Variants in MPZL3 observed in about 807,000 individuals in gnomAD.
MPZL3 encodes the protein myelin protein zero-like protein 3.
A neutral mutation model predicts 24.8 loss-of-function variants in MPZL3; 23 were observed. The ratio of observed to expected loss-of-function variants is 0.93; its 90% CI spans 0.67 to 1.31. MPZL3 has a LOEUF of 1.31. MPZL3 is among the 40% of genes most tolerant of loss of function. The pLI is 0.00. For synonymous variants in MPZL3, 99 were observed against 106.5 expected (o/e 0.93, Z 0.44); for missense variants, 277 against 294.9 (o/e 0.94, Z 0.44).
chr11:118,246,369 G>A (rs923071008), intron 1 of MPZL3, among the ~76,000 whole-genome samples: 1 of 151,676 alleles, frequency 6.6e-6, no homozygotes, highest in African/African-American at 2.4e-5. Flanking sequence ...ACCTCAAATC[G>A]AATGCGGTAA....
rs201528872 is a variant in MPZL3, at chr11:118,235,501, T to A, written c.540A>T (p.Arg180Ser). ...TCAGCCCAGCAGCCTTCCTCCCCAT[T>A]CTCACCAGCAGCAGAGCAACCACCA... ...SAVVVALLLV[R>S]MGRKAAGLKK... The change falls in exon 4 of 6, where the codon AGA becomes AGT. Residue 180 changes from arginine to serine, a missense_variant. Arg to Ser is a moderately radical substitution (Grantham distance 110). Coordinates refer to ENST00000278949, the MANE Select transcript of MPZL3 (RefSeq NM_198275.3). The A allele has an allele frequency of 1.2e-6, 2 of 1,613,670 alleles. No homozygotes were observed. The highest frequency in any genetic ancestry group is 1.7e-6 in the Non-Finnish European group (2 of 1,179,900).
intron 1 of MPZL3, among the ~76,000 whole-genome samples, chr11:118,249,039 G>A (rs201427989): frequency 1.5e-5 from 1 of 65,124 alleles, no homozygotes; most frequent in African/African-American, 9.9e-5. Flanking sequence ...TTTTCGGTTT[G>A]TTTTTTGTTT....
intron 2 of MPZL3, among the ~76,000 whole-genome samples, 172 bp downstream of exon 2, chr11:118,240,039 G>A (rs1591494409): frequency 1.3e-5 from 2 of 152,234 alleles, no homozygotes; most frequent in South Asian, 4.1e-4. Flanking sequence ...CTTACGTGGG[G>A]CCCTGCGTGA....
chr11:118,251,041 AT>A (rs894052406), intron 1 of MPZL3, among the ~76,000 whole-genome samples: 20 of 150,836 alleles, frequency 1.3e-4, no homozygotes, highest in Admixed American at 2.0e-4. Context: ...CCATTTCCAG[AT>A]TTTTTTTCTC....
intron 1 of MPZL3, among the ~76,000 whole-genome samples, chr11:118,246,585 C>CTT (rs71301655): frequency 0.21 from 26,181 of 122,992 alleles, 3,967 homozygotes; most frequent in African/African-American, 0.39. Flanking sequence ...TTTTTCTTTT[C>CTT]TTTTTTTTTT....
chr11:118,244,475 G>A (rs1949534438), intron 1 of MPZL3, among the ~76,000 whole-genome samples: 1 of 152,156 alleles, frequency 6.6e-6, no homozygotes, highest in Admixed American at 6.5e-5. Flanking sequence ...CTTGAGCTAA[G>A]ATCTGAAGAA....
chr11:118,237,824 T>C (rs902594173), intron 2 of MPZL3, among the ~76,000 whole-genome samples: 1 of 152,162 alleles, frequency 6.6e-6, no homozygotes, highest in African/African-American at 2.4e-5. Context: ...GAGGCAGGTA[T>C]AATTATTCCA....
intron 1 of MPZL3, among the ~76,000 whole-genome samples, chr11:118,244,477 T>G (rs1439053006): frequency 6.6e-6 from 1 of 151,998 alleles, no homozygotes; most frequent in Non-Finnish European, 1.5e-5. Flanking sequence ...TGAGCTAAGA[T>G]CTGAAGAAAA....
In MPZL3 at chr11:118,229,919, T is replaced by C; in HGVS notation, c.683A>G (p.Asp228Gly). 1 of 1,613,230 alleles carries C rather than the reference T, an allele frequency of 6.2e-7. No individual in the cohort carries two copies. The highest frequency in any genetic ancestry group is 8.5e-7 in the Non-Finnish European group (1 of 1,179,620). Reference protein sequence around the residue: ...RLCVRCAECLDSDYEETY With the variant: ...RLCVRCAECLGSDYEETY ...TCAATATGTCTCTTCATAGTCTGAA[T>C]CCTGGAGGGAGCAAAACAGCAGGTG... Residue 228 changes from aspartate to glycine, a missense_variant and splice_region_variant, in exon 6 of 6, where the codon GAT becomes GGT. Coordinates refer to ENST00000278949, the MANE Select transcript of MPZL3 (RefSeq NM_198275.3).
intron 4 of MPZL3, among the ~76,000 whole-genome samples, chr11:118,233,792 G>C (rs926450850): frequency 6.6e-6 from 1 of 152,118 alleles, no homozygotes; most frequent in Non-Finnish European, 1.5e-5. Flanking sequence ...TCAGGAGTTT[G>C]AGACCAGCCT....
At chr11:118,240,784 C>CTG (rs1949487762) in intron 1 of MPZL3, among the ~76,000 whole-genome samples, 1 of 106,006 alleles carries the variant, frequency 9.4e-6, no homozygotes, top group Non-Finnish European at 2.1e-5. Flanking sequence ...CACACACACA[C>CTG]TCTGGGAATA....
Position 118,235,412 on chromosome 11 carries a change from T to G in MPZL3, c.617+12A>C. 6.2e-7 allele frequency: 1 copy of G among 1,613,064 alleles called. No homozygotes were observed. The highest frequency in any genetic ancestry group is 8.5e-7 in the Non-Finnish European group (1 of 1,179,574). On this transcript the variant is annotated intron_variant, in intron 4 of 5. Transcript: ENST00000278949. ...AAACAGGCTTGCTGCCCAGGGCTCCTGCTGGACTTACTCATCGGAAACCTC... is the reference window on the plus strand; with the variant it reads ...AAACAGGCTTGCTGCCCAGGGCTCCGGCTGGACTTACTCATCGGAAACCTC...
chr11:118,232,780 T>C (rs1197510178), intron 5 of MPZL3, among the ~76,000 whole-genome samples: 2 of 152,152 alleles, frequency 1.3e-5, no homozygotes, highest in Non-Finnish European at 2.9e-5. Flanking sequence ...TCGAGCCAAG[T>C]GTGAGCTTGG....
chr11:118,230,280 G>C (rs189576282), intron 5 of MPZL3, among the ~76,000 whole-genome samples: 1 of 152,242 alleles, frequency 6.6e-6, no homozygotes, highest in Admixed American at 6.5e-5. Context: ...GTGCAAAATT[G>C]TGGTTAGGAA....
intron 1 of MPZL3, among the ~76,000 whole-genome samples, chr11:118,241,799 AC>A (rs1224573605): frequency 3.3e-5 from 5 of 152,114 alleles, no homozygotes; most frequent in Non-Finnish European, 5.9e-5. Context: ...AAAGGAGGAG[AC>A]CAAAACTGAA....
In MPZL3 at chr11:118,232,447, G is replaced by A. The variant is rs187990730; in HGVS notation, c.681+1013C>T. Among the ~76,000 whole-genome samples the A allele has an allele frequency of 2.6e-4, 39 of 151,870 alleles. 1 individual carries two copies. The highest frequency in any genetic ancestry group is 8.5e-4 in the African/African-American group (35 of 41,382). On this transcript the variant is annotated intron_variant, in intron 5 of 5. Coordinates refer to ENST00000278949, the MANE Select transcript of MPZL3 (RefSeq NM_198275.3). The stretch of plus-strand genomic sequence containing the variant: ...CCAATTCAACAGAGTCTTAGAGGAT[G>A]AGAAAGTTTTCCAGGCAAAGAACAT...
Position 118,229,184 on chromosome 11 carries a change from A to G in MPZL3, c.*710T>C, listed in dbSNP as rs945328109. ...AAAATAACAAAGACTCCTTAGCCCAAATTGTACCAGCAAGACTAAAGAAAA... is the reference window on the plus strand; with the variant it reads ...AAAATAACAAAGACTCCTTAGCCCAGATTGTACCAGCAAGACTAAAGAAAA... On this transcript the variant is annotated 3_prime_UTR_variant, in exon 6 of 6. Transcript: ENST00000278949. 6.6e-6 allele frequency: 1 copy of G among 152,060 alleles called. No individual in the cohort carries two copies. Among genetic ancestry groups the G allele is most frequent in the African/African-American group, 2.4e-5 (1 of 41,468 alleles). 9.4% of individuals were successfully genotyped at this position (152,060 alleles called of 1,614,324 possible). A position where few individuals can be genotyped will look rare whatever the true frequency, so the allele number is the denominator to read the frequency against.
Position 118,233,440 on chromosome 11 carries a change from A to G in MPZL3, c.681+20T>C. ...AAAGTGGGACATCAACAGTAAGCAG[A>G]AGGAATGGCATGCACTTACCAGGCA... On this transcript the variant is annotated intron_variant, in intron 5 of 5. Coordinates refer to ENST00000278949, the MANE Select transcript of MPZL3 (RefSeq NM_198275.3). The G allele has an allele frequency of 1.2e-6, 2 of 1,613,654 alleles. No homozygotes were observed. Among genetic ancestry groups the G allele is most frequent in the Non-Finnish European group, 1.7e-6 (2 of 1,179,734 alleles).
chr11:118,248,927 A>T (rs1007003998), intron 1 of MPZL3, among the ~76,000 whole-genome samples: 1 of 152,228 alleles, frequency 6.6e-6, no homozygotes, highest in African/African-American at 2.4e-5. Context: ...AAAAGTGTTT[A>T]GTTTCCCAGT....
Sources: gnomAD v4.1 joint callset for allele counts (sites outside exome capture counted in the v4.1 genomes callset) on GRCh38, gnomAD v4.1.1 for gene constraint, MANE v1.5 for transcripts, NCBI Gene and HGNC (gene_info 2026-07-23, HGNC 2026-07-21) for gene names.